TRIM33: variants seen among roughly 807,000 people sequenced by gnomAD.
The protein encoded by TRIM33 is tripartite motif containing 33.
A neutral mutation model predicts 125.4 loss-of-function variants in TRIM33; 20 were observed. The ratio of observed to expected loss-of-function variants is 0.16; its 90% CI spans 0.11 to 0.23. The LOEUF (loss-of-function observed/expected upper bound fraction) is 0.23, where lower values mean the gene tolerates loss of function less well. Among genes scored for constraint, TRIM33 ranks in the 10% least tolerant of loss-of-function variants. TRIM33 has a pLI of 1.00. For missense variants in TRIM33, 920 were observed against 1,411.4 expected (o/e 0.65, Z 5.58); for synonymous variants, 564 against 513.9 (o/e 1.10, Z -1.32).
At chr1:114,489,596 C>T (rs968733437) in intron 1 of TRIM33, among the ~76,000 whole-genome samples, 2 of 151,224 alleles carry the variant, frequency 1.3e-5, no homozygotes, top group Non-Finnish European at 3.0e-5. Context: ...AAAATAAAAA[C>T]ATTAGCTGGG....
At chr1:114,447,038 T>G (rs146642127) in intron 4 of TRIM33, among the ~76,000 whole-genome samples, 1 of 152,148 alleles carries the variant, frequency 6.6e-6, no homozygotes, top group Non-Finnish European at 1.5e-5. Context: ...ATAGGCAGAG[T>G]AGTAGCAGAT....
At chr1:114,451,379 A>AAG (rs1206529566) in intron 4 of TRIM33, among the ~76,000 whole-genome samples, 1 of 151,756 alleles carries the variant, frequency 6.6e-6, no homozygotes, top group Non-Finnish European at 1.5e-5. Flanking sequence ...TGCTTTAAAA[A>AAG]AAAAAAAAAA....
chr1:114,503,090 A>G (rs1652805090), intron 1 of TRIM33, among the ~76,000 whole-genome samples: 1 of 152,224 alleles, frequency 6.6e-6, no homozygotes, highest in Non-Finnish European at 1.5e-5. Flanking sequence ...TCTTTGATAT[A>G]ACACAAAAAC....
At chr1:114,502,914 CAT>C (rs375608780) in intron 1 of TRIM33, among the ~76,000 whole-genome samples, 3 of 152,192 alleles carry the variant, frequency 2.0e-5, no homozygotes, top group South Asian at 2.1e-4. Flanking sequence ...ATCTCTTTAA[CAT>C]GTGGTTTAAT....
At chr1:114,427,559 CAG>C (rs1284629664) in intron 7 of TRIM33, among the ~76,000 whole-genome samples, 187 bp downstream of exon 7, 2 of 151,892 alleles carry the variant, frequency 1.3e-5, no homozygotes, top group Non-Finnish European at 2.9e-5. Context: ...TAAAAAATGA[CAG>C]AAATCAGATT....
chr1:114,461,481 G>T (rs1649997645), intron 4 of TRIM33, among the ~76,000 whole-genome samples: 1 of 151,396 alleles, frequency 6.6e-6, no homozygotes, highest in Non-Finnish European at 1.5e-5. Flanking sequence ...GCGAGAATCA[G>T]TCAATATGAG....
intron 2 of TRIM33, among the ~76,000 whole-genome samples, chr1:114,463,767 CTTT>C (rs397977770): frequency 3.2e-5 from 4 of 126,040 alleles, no homozygotes; most frequent in Admixed American, 2.5e-4. Context: ...GCAGATTTGA[CTTT>C]TTTTTTTTTT....
In TRIM33 at chr1:114,480,033, T is replaced by C. The variant is rs1158265871; in HGVS notation, c.527-15645A>G. Among the ~76,000 whole-genome samples, 4 of 152,106 alleles carry C rather than the reference T, an allele frequency of 2.6e-5. No homozygotes were observed. In the East Asian group the frequency reaches 5.8e-4, roughly 22 times the overall value. On this transcript the variant is annotated intron_variant, in intron 1 of 19. Coordinates refer to ENST00000358465, the MANE Select transcript of TRIM33 (RefSeq NM_015906.4). ...TGATGATGATGGCGGTTTTGTGGAA[T>C]AGAAAAGGGGGAAATGTGGGGAAAG...
chr1:114,410,020 A>G (rs1190795069), intron 12 of TRIM33, among the ~76,000 whole-genome samples, 164 bp downstream of exon 12: 6 of 152,038 alleles, frequency 3.9e-5, no homozygotes, highest in Admixed American at 1.3e-4. Flanking sequence ...CAACACCCAC[A>G]ATCACATGAG....
intron 4 of TRIM33, among the ~76,000 whole-genome samples, chr1:114,450,196 T>C (rs1649226570): frequency 6.6e-6 from 1 of 152,004 alleles, no homozygotes; most frequent in Non-Finnish European, 1.5e-5. Context: ...GGGGCAGAGG[T>C]TGCAGTGAGC....
chr1:114,406,973 TTTC>T lies in TRIM33; in HGVS notation c.2383_2385del (p.Glu795del), dbSNP rs773912352. 5.6e-6 allele frequency: 9 copies of T among 1,613,946 alleles called. No homozygotes were observed. The highest frequency in any genetic ancestry group is 6.8e-6 in the Non-Finnish European group (8 of 1,179,936). On this transcript the variant is annotated inframe_deletion, in exon 14 of 20. Coordinates refer to ENST00000358465, the MANE Select transcript of TRIM33 (RefSeq NM_015906.4). ...GCACTCCTCCTGCCATCCTCTGTTT[TTTC>T]TTGTTTTACACCTCCTGAAAAGCTA...
intron 4 of TRIM33, among the ~76,000 whole-genome samples, chr1:114,449,555 C>T (rs1649194250): frequency 6.6e-6 from 1 of 152,076 alleles, no homozygotes; most frequent in South Asian, 2.1e-4. Flanking sequence ...ATGAAGGATG[C>T]AGTTTGGGTC....
chr1:114,497,265 A>T (rs1273758958), intron 1 of TRIM33, among the ~76,000 whole-genome samples: 1 of 152,218 alleles, frequency 6.6e-6, no homozygotes, highest in African/African-American at 2.4e-5. Context: ...GCTGTGTTCA[A>T]ATAAAAATTT....
rs146557372 is a variant in TRIM33, at chr1:114,469,721, G to C, written c.527-5333C>G. Among the ~76,000 whole-genome samples, 567 of 152,292 alleles carry C rather than the reference G, an allele frequency of 3.7e-3. 3 individuals carry two copies. The highest frequency in any genetic ancestry group is 0.031 in the Middle Eastern group (9 of 294). The stretch of plus-strand genomic sequence containing the variant: ...ATAGCAATGGAGGTAGCGGCAGACA[G>C]ACATTAGCATGAGCGTGGGGAACTG... On this transcript the variant is annotated intron_variant, in intron 1 of 19. Transcript: ENST00000358465.
rs369508223 is a variant in TRIM33, at chr1:114,397,580, G to GTTTT, written c.*64_*67dup. On this transcript the variant is annotated 3_prime_UTR_variant, in exon 20 of 20. Coordinates refer to ENST00000358465, the MANE Select transcript of TRIM33 (RefSeq NM_015906.4). ...CCAGCAACACTTAAAAGTTTTCTGG[G>GTTTT]TTTTTTGTGTTTTTTTTTTTTTTTT... The GTTTT allele has an allele frequency of 4.6e-6, 5 of 1,075,794 alleles. No individual in the cohort carries two copies. In the African/African-American group the frequency reaches 1.4e-4, roughly 30 times the overall value. The allele number at this position is 1,075,794 out of a possible 1,614,324, so 66.6% of individuals were successfully genotyped here. A position where few individuals can be genotyped will look rare whatever the true frequency, so the allele number is the denominator to read the frequency against.
intron 1 of TRIM33, among the ~76,000 whole-genome samples, chr1:114,504,055 G>A (rs1031682957): frequency 1.1e-4 from 17 of 152,160 alleles, no homozygotes; most frequent in African/African-American, 3.6e-4. Flanking sequence ...AGGATATTAA[G>A]TGACAATGAC....
intron 1 of TRIM33, among the ~76,000 whole-genome samples, chr1:114,487,164 T>A (rs1418954363): frequency 6.8e-6 from 1 of 147,448 alleles, no homozygotes; most frequent in Non-Finnish European, 1.5e-5. Context: ...AACCTACATA[T>A]AAAAAAACTG....
intron 7 of TRIM33, among the ~76,000 whole-genome samples, 161 bp from the exon 8 acceptor site, chr1:114,427,455 C>A (rs2101168073): frequency 6.6e-6 from 1 of 152,302 alleles, no homozygotes; most frequent in Non-Finnish European, 1.5e-5. Flanking sequence ...AATATACATA[C>A]TTGAATTTCT....
At chr1:114,419,218 A>AAAAG (rs1553208022) in intron 11 of TRIM33, among the ~76,000 whole-genome samples, 153 of 148,266 alleles carry the variant, frequency 1.0e-3, no homozygotes, top group African/African-American at 2.5e-3. Flanking sequence ...AAAAAAAAAA[A>AAAAG]AAAGAAAGAA....
Sources: allele counts gnomAD v4.1 joint callset (sites outside exome capture counted in the v4.1 genomes callset), GRCh38; gene constraint gnomAD v4.1.1; transcripts MANE v1.5; gene names NCBI Gene and HGNC (gene_info 2026-07-23, HGNC 2026-07-21).